ROBO2: variants seen among roughly 807,000 people sequenced by gnomAD.
ROBO2 encodes the protein roundabout guidance receptor 2, also known as roundabout homolog 2.
In ROBO2, 53 loss-of-function variants were observed where a neutral mutation model predicts 160.8. The observed-to-expected ratio is 0.33, with a 90% CI of 0.26 to 0.41. The LOEUF is 0.41. Ranked by LOEUF, ROBO2 falls within the 10% of genes least tolerant of loss-of-function variation. The pLI, the probability that ROBO2 is intolerant of heterozygous loss-of-function variation, is 1.00. For missense variants in ROBO2, 1,577 were observed against 1,722.4 expected (o/e 0.92, Z 1.49); for synonymous variants, 664 against 611.7 (o/e 1.09, Z -1.26).
At chr3:77,064,184 G>T (rs1362757755) in intron 1 of ROBO2, among the ~76,000 whole-genome samples, 1 of 152,022 alleles carries the variant, frequency 6.6e-6, no homozygotes, top group Non-Finnish European at 1.5e-5. Context: ...CCTTAAAAAT[G>T]TATTAAATTG....
intron 2 of ROBO2, among the ~76,000 whole-genome samples, chr3:76,106,364 A>G (rs1287849106): frequency 3.9e-5 from 6 of 152,214 alleles, no homozygotes; most frequent in African/African-American, 9.6e-5. Flanking sequence ...AAGAACATAT[A>G]TACACATATA....
At chr3:77,568,408 C>A (rs911133455) in exon 13 of ROBO2, 1 of 1,612,920 alleles carries the variant, frequency 6.2e-7, no homozygotes, top group South Asian at 1.1e-5. Flanking sequence ...TGTGCTGACT[C>A]CCACCACGGT....
intron 2 of ROBO2, among the ~76,000 whole-genome samples, chr3:75,970,856 A>G (rs532458860): frequency 6.6e-6 from 1 of 151,342 alleles, no homozygotes; most frequent in African/African-American, 2.4e-5. Context: ...GCATGTTTTC[A>G]GGAAATATGC....
intron 2 of ROBO2, among the ~76,000 whole-genome samples, chr3:76,870,112 A>C (rs2148671206): frequency 6.6e-6 from 1 of 152,336 alleles, no homozygotes; most frequent in East Asian, 1.9e-4. Context: ...ATCCCTAAGC[A>C]GTATGGATTT....
intron 2 of ROBO2, among the ~76,000 whole-genome samples, chr3:76,215,828 C>T (rs556319240): frequency 2.8e-4 from 42 of 152,154 alleles, no homozygotes; most frequent in South Asian, 8.3e-4. Context: ...AGATAATCCT[C>T]GAGAAGAACA....
intron 2 of ROBO2, among the ~76,000 whole-genome samples, chr3:76,322,792 T>G (rs1576422573): frequency 1.3e-5 from 2 of 152,166 alleles, no homozygotes; most frequent in African/African-American, 2.4e-5. Flanking sequence ...TAGTTTAAAT[T>G]CTTACAATTT....
chr3:76,887,193 C>CCTTTTTTT lies in ROBO2; in HGVS notation c.110-210821_110-210820insCTTTTTTT, dbSNP rs1178064382. Among the ~76,000 whole-genome samples the CCTTTTTTT allele has an allele frequency of 7.1e-4, 85 of 120,436 alleles. 4 individuals are homozygous for CCTTTTTTT. Among genetic ancestry groups the CCTTTTTTT allele is most frequent in the South Asian group, 3.3e-3 (12 of 3,604 alleles). The allele number at this position is 120,436 out of a possible 152,430, so 79.0% of individuals were successfully genotyped here. A position where few individuals can be genotyped will look rare whatever the true frequency, so the allele number is the denominator to read the frequency against. On this transcript the variant is annotated intron_variant, in intron 2 of 26. Coordinates refer to the ROBO2 transcript ENST00000487694. ...ATTGCCCTGCCTTTGCTTCAGGAAGCATTTTTTTTTTTTTTTTTTTTTTTT... is the reference window on the plus strand; with the variant it reads ...ATTGCCCTGCCTTTGCTTCAGGAAGCCTTTTTTTATTTTTTTTTTTTTTTTTTTTTTTT...
At chr3:77,187,075 G>GA (rs2081352601) in intron 2 of ROBO2, among the ~76,000 whole-genome samples, 1 of 151,940 alleles carries the variant, frequency 6.6e-6, no homozygotes, top group Admixed American at 6.6e-5. Context: ...GAAGACAAAT[G>GA]AAAACGAAGA....
intron 22 of ROBO2, among the ~76,000 whole-genome samples, chr3:77,621,992 T>A (rs1233673033): frequency 6.6e-6 from 1 of 152,150 alleles, no homozygotes; most frequent in African/African-American, 2.4e-5. Context: ...TTTTTTTTTC[T>A]CCGTGTGTTA....
chr3:76,548,764 G>A (rs921173552), intron 2 of ROBO2, among the ~76,000 whole-genome samples: 16 of 151,654 alleles, frequency 1.1e-4, no homozygotes, highest in Non-Finnish European at 1.8e-4. Flanking sequence ...TCAAGAAATC[G>A]AAATCAGGTG....
At chr3:76,860,558 TGC>T (rs1483973452) in intron 2 of ROBO2, among the ~76,000 whole-genome samples, 2 of 152,148 alleles carry the variant, frequency 1.3e-5, no homozygotes, top group African/African-American at 4.8e-5. Flanking sequence ...TTTTCTTTTT[TGC>T]ACTAACTTCT....
chr3:77,089,401 AT>A (rs756303195), intron 1 of ROBO2, among the ~76,000 whole-genome samples: 115 of 152,296 alleles, frequency 7.6e-4, no homozygotes, highest in Middle Eastern at 3.4e-3. Flanking sequence ...GCAGGGTGCT[AT>A]TTTGTACAAC....
intron 2 of ROBO2, among the ~76,000 whole-genome samples, chr3:76,545,358 T>C (rs2083037882): frequency 6.6e-6 from 1 of 152,000 alleles, no homozygotes; most frequent in Admixed American, 6.6e-5. Flanking sequence ...GCATACCTAC[T>C]GTCGGTTAAG....
intron 2 of ROBO2, among the ~76,000 whole-genome samples, chr3:77,188,872 A>G (rs1464691871): frequency 1.3e-5 from 2 of 151,784 alleles, no homozygotes; most frequent in African/African-American, 2.4e-5. Context: ...TTTTCAAACA[A>G]TGCTTGGTAG....
In ROBO2 at chr3:77,411,893, T is replaced by C. The variant is rs566423699; in HGVS notation, c.389-65521T>C. 1.4e-4 allele frequency among the ~76,000 whole-genome samples: 22 copies of C among 152,322 alleles called. 1 individual carries two copies. The South Asian group carries it at 4.6e-3, about 32-fold the overall frequency. On this transcript the variant is annotated intron_variant, in intron 2 of 25. Transcript: ENST00000461745. Reference sequence around the variant, plus strand: ...TAAAAATATTCTCATCCTTTATTGTTTCCTTCCCAACCTGACATCCCATGT... The same window carrying C: ...TAAAAATATTCTCATCCTTTATTGTCTCCTTCCCAACCTGACATCCCATGT...
chr3:76,049,405 T>TATATATATA (rs1559867206), intron 2 of ROBO2, among the ~76,000 whole-genome samples: 1 of 50,788 alleles, frequency 2.0e-5, no homozygotes, highest in Admixed American at 1.8e-4. Context: ...ATATATATAT[T>TATATATATA]TTTTTTTTTT....
chr3:76,603,968 G>A (rs894371681), intron 2 of ROBO2, among the ~76,000 whole-genome samples: 1 of 152,152 alleles, frequency 6.6e-6, no homozygotes, highest in Non-Finnish European at 1.5e-5. Context: ...TTTACAGAAA[G>A]AAAAGAGAAT....
rs553510975 is a variant in ROBO2, at chr3:76,960,932, T to A, written c.110-137082T>A. ...TTACTAAAATCAAACTCCTTCTATATGATAAAATGTAAATCACTGAATAGA... is the reference window on the plus strand; with the variant it reads ...TTACTAAAATCAAACTCCTTCTATAAGATAAAATGTAAATCACTGAATAGA... On this transcript the variant is annotated intron_variant, in intron 2 of 26. Transcript: ENST00000487694. 1.1e-4 allele frequency among the ~76,000 whole-genome samples: 16 copies of A among 152,252 alleles called. No individual in the cohort carries two copies. The South Asian group carries it at 3.3e-3, about 32-fold the overall frequency.
chr3:77,133,459 T>C (rs540711490), intron 2 of ROBO2, among the ~76,000 whole-genome samples: 37 of 152,242 alleles, frequency 2.4e-4, no homozygotes, highest in African/African-American at 8.2e-4. Flanking sequence ...TTTGAAACCA[T>C]CAAAAGAAAT....
Sources: gnomAD v4.1 joint callset for allele counts (sites outside exome capture counted in the v4.1 genomes callset) on GRCh38, gnomAD v4.1.1 for gene constraint, MANE v1.5 for transcripts, NCBI Gene and HGNC (gene_info 2026-07-23, HGNC 2026-07-21) for gene names.